The following SMARCC1 variants were observed in gnomAD, a reference collection of about 807,000 sequenced individuals.
SMARCC1 encodes SWI/SNF related BAF chromatin remodeling complex subunit C1.
SMARCC1 carries 43 observed loss-of-function variants against 147.4 expected under a neutral mutation model. The observed-to-expected ratio is 0.29, with a 90% CI of 0.23 to 0.38. SMARCC1 has a LOEUF of 0.38. Among genes scored for constraint, SMARCC1 ranks in the 10% least tolerant of loss-of-function variants. The pLI, the probability that SMARCC1 is intolerant of heterozygous loss-of-function variation, is 1.00. For synonymous variants in SMARCC1, 495 were observed against 484.4 expected (o/e 1.02, Z -0.29); for missense variants, 1,119 against 1,381.1 (o/e 0.81, Z 3.01).
chr3:47,737,084 G>GT, intron 4 of SMARCC1, among the ~76,000 whole-genome samples: 1 of 152,276 alleles, frequency 6.6e-6, no homozygotes, highest in African/African-American at 2.4e-5. Flanking sequence ...GGATGGAAGA[G>GT]TGCTTATACT....
At position 47,703,494 on chromosome 3, in the gene SMARCC1, T is replaced by C. The variant is rs115368697; in HGVS notation, c.1041-2092A>G. On this transcript the variant is annotated intron_variant, in intron 10 of 27. Coordinates refer to ENST00000254480, the MANE Select transcript of SMARCC1 (RefSeq NM_003074.4). ...TTTTCTGCCAAAGAGCAAGATCTTGTCTGGCAAAAATAAATAAATAAAATA... is the reference window on the plus strand; with the variant it reads ...TTTTCTGCCAAAGAGCAAGATCTTGCCTGGCAAAAATAAATAAATAAAATA... Among the ~76,000 whole-genome samples the C allele has an allele frequency of 2.0e-3, 308 of 152,182 alleles. 1 individual carries two copies. The highest frequency in any genetic ancestry group is 7.0e-3 in the African/African-American group (290 of 41,506).
At chr3:47,775,556 G>C (rs556094702) in intron 1 of SMARCC1, among the ~76,000 whole-genome samples, 1 of 149,360 alleles carries the variant, frequency 6.7e-6, no homozygotes, top group Non-Finnish European at 1.5e-5. Flanking sequence ...GGCGAATCAC[G>C]AGGTCAGGAG....
chr3:47,592,163 T>C (rs778296124), intron 26 of SMARCC1, among the ~76,000 whole-genome samples: 2 of 152,216 alleles, frequency 1.3e-5, no homozygotes, highest in Non-Finnish European at 2.9e-5. Context: ...AAATACCTCC[T>C]GTATTCAGTT....
intron 2 of SMARCC1, among the ~76,000 whole-genome samples, chr3:47,749,732 G>GAGAC (rs1473732010): frequency 2.2e-5 from 1 of 46,384 alleles, no homozygotes; most frequent in Non-Finnish European, 6.0e-5. Context: ...CACAGAGAAA[G>GAGAC]AGACAGAGAG....
At chr3:47,655,144 G>T (rs1362775412) in intron 21 of SMARCC1, among the ~76,000 whole-genome samples, 1 of 152,224 alleles carries the variant, frequency 6.6e-6, no homozygotes, top group Admixed American at 6.5e-5. Context: ...GAACTGCCAA[G>T]AAGGGAGCAC....
chr3:47,696,082 G>C (rs930646876), intron 11 of SMARCC1, among the ~76,000 whole-genome samples: 16 of 146,118 alleles, frequency 1.1e-4, no homozygotes, highest in East Asian at 4.1e-4. Context: ...AAAAAAGGGG[G>C]GGGGGGGGCC....
chr3:47,687,017 G>C (rs2033733788), intron 13 of SMARCC1, among the ~76,000 whole-genome samples: 2 of 152,162 alleles, frequency 1.3e-5, no homozygotes, highest in East Asian at 3.9e-4. Context: ...CCCAAATTTT[G>C]AATCAGTTTT....
At chr3:47,688,527 C>G (rs1022223850) in intron 13 of SMARCC1, among the ~76,000 whole-genome samples, 2 of 152,024 alleles carry the variant, frequency 1.3e-5, no homozygotes, top group Non-Finnish European at 2.9e-5. Context: ...GTTAATCACA[C>G]AGTCAAACAT....
At position 47,676,719 on chromosome 3, in the gene SMARCC1, G is replaced by A. The variant is rs370919273; in HGVS notation, c.1635C>T (p.Pro545=). 1.1e-4 allele frequency: 174 copies of A among 1,613,322 alleles called. No individual in the cohort carries two copies. The highest frequency in any genetic ancestry group is 1.5e-4 in the Non-Finnish European group (172 of 1,179,576). ...VNYQVDPESR[P]MAMGPPPTPH... ...GAGTAGGAGGAGGTCCCATTGCCAT[G>A]GGTCTACTTTCCGGGTCAACTTGGT... Residue 545 remains proline, a synonymous_variant, in exon 17 of 28, where the codon CCC becomes CCT. Coordinates refer to ENST00000254480, the MANE Select transcript of SMARCC1 (RefSeq NM_003074.4).
intron 18 of SMARCC1, among the ~76,000 whole-genome samples, chr3:47,671,425 G>A (rs1453622235): frequency 6.6e-6 from 1 of 152,118 alleles, no homozygotes; most frequent in Non-Finnish European, 1.5e-5. Flanking sequence ...AGGATCAGAT[G>A]TACTACACAC....
chr3:47,596,287 T>C (rs1203542969), intron 26 of SMARCC1, among the ~76,000 whole-genome samples: 1 of 151,924 alleles, frequency 6.6e-6, no homozygotes, highest in Non-Finnish European at 1.5e-5. Flanking sequence ...GATGGAGTCT[T>C]GGCTGGGCGT....
chr3:47,590,628 T>C, intron 27 of SMARCC1, 33 bp downstream of exon 27: 1 of 1,471,920 alleles, frequency 6.8e-7, no homozygotes, highest in Non-Finnish European at 9.0e-7. Context: ...GAACGGACCC[T>C]GAGATAATGC....
intron 27 of SMARCC1, 72 bp from the exon 28 acceptor site, chr3:47,588,378 A>T (rs1038251603): frequency 7.2e-7 from 1 of 1,398,362 alleles, no homozygotes; most frequent in Non-Finnish European, 1.0e-6. Flanking sequence ...CTATTCAGTG[A>T]AAAAAAGACA....
intron 21 of SMARCC1, among the ~76,000 whole-genome samples, chr3:47,639,672 C>T (rs2033023667): frequency 6.6e-6 from 1 of 152,152 alleles, no homozygotes; most frequent in Admixed American, 6.5e-5. Flanking sequence ...CGAGATTGCA[C>T]CACTGCACTC....
intron 2 of SMARCC1, among the ~76,000 whole-genome samples, chr3:47,755,303 C>T (rs1559663899): frequency 1.3e-5 from 2 of 150,696 alleles, no homozygotes; most frequent in Non-Finnish European, 1.5e-5. Flanking sequence ...GAGATCGAGA[C>T]CATCCTGGCT....
rs1328820771 is a variant in SMARCC1 at position 47,749,670 on chromosome 3, A to AACACACACACACACACAC, written c.316-3695_316-3678dup. 6.7e-3 allele frequency among the ~76,000 whole-genome samples: 617 copies of AACACACACACACACACAC among 92,426 alleles called. 9 individuals carry two copies. The highest frequency in any genetic ancestry group is 0.026 in the South Asian group (60 of 2,266). 60.6% of individuals were successfully genotyped at this position (92,426 alleles called of 152,430 possible). On this transcript the variant is annotated intron_variant, in intron 2 of 27. Coordinates refer to ENST00000254480, the MANE Select transcript of SMARCC1 (RefSeq NM_003074.4). ...TGACAAAGTGAGACCCTCTAAATTA[A>AACACACACACACACACAC]ACACACACACACACACACACAAAGT...
chr3:47,599,447 T>C (rs1292427868), intron 26 of SMARCC1, among the ~76,000 whole-genome samples: 2 of 152,260 alleles, frequency 1.3e-5, no homozygotes, highest in African/African-American at 2.4e-5. Flanking sequence ...TTAGGCACTA[T>C]ATTTAAGAGT....
At chr3:47,769,769 T>C (rs767669051) in intron 2 of SMARCC1, among the ~76,000 whole-genome samples, 5 of 152,176 alleles carry the variant, frequency 3.3e-5, no homozygotes, top group Non-Finnish European at 5.9e-5. Flanking sequence ...CTAATCAAAT[T>C]CTTAACATTT....
rs2034863518 is a variant in SMARCC1 at position 47,768,154 on chromosome 3, C to T, written c.315+4663G>A. Reference sequence around the variant, plus strand: ...GCCCAGCATAAACTCTTATACCATACTGATTACTCAGGGAAAAAACTTTTT... The same window carrying T: ...GCCCAGCATAAACTCTTATACCATATTGATTACTCAGGGAAAAAACTTTTT... On this transcript the variant is annotated intron_variant, in intron 2 of 27. Coordinates refer to ENST00000254480, the MANE Select transcript of SMARCC1 (RefSeq NM_003074.4). 2.6e-5 allele frequency among the ~76,000 whole-genome samples: 4 copies of T among 152,230 alleles called. No homozygotes were observed. The South Asian group carries it at 6.2e-4, about 24-fold the overall frequency.
Sources: gnomAD v4.1 joint callset for allele counts (sites outside exome capture counted in the v4.1 genomes callset) on GRCh38, gnomAD v4.1.1 for gene constraint, MANE v1.5 for transcripts, NCBI Gene and HGNC (gene_info 2026-07-23, HGNC 2026-07-21) for gene names.